The following CCNYL1 variants were observed in gnomAD, a reference collection of about 807,000 sequenced individuals.
CCNYL1 encodes the protein cyclin-Y-like protein 1.
In CCNYL1, 16 loss-of-function variants were observed where a neutral mutation model predicts 44.2. The observed-to-expected ratio is 0.36, with a 90% CI of 0.25 to 0.55. The LOEUF is 0.55. Among genes scored for constraint, CCNYL1 ranks in the 20% least tolerant of loss-of-function variants. The pLI is 0.85. For synonymous variants in CCNYL1, 159 were observed against 163.2 expected (o/e 0.97, Z 0.20); for missense variants, 348 against 451.8 (o/e 0.77, Z 2.08).
At chr2:207,727,211 A>G (rs1412480244) in intron 3 of CCNYL1, among the ~76,000 whole-genome samples, 1 of 152,214 alleles carries the variant, frequency 6.6e-6, no homozygotes, top group Non-Finnish European at 1.5e-5. Context: ...TTAGCACTAT[A>G]TGTTGACTTC....
At chr2:207,730,985 A>G (rs974604688) in intron 3 of CCNYL1, among the ~76,000 whole-genome samples, 1 of 152,146 alleles carries the variant, frequency 6.6e-6, no homozygotes, top group African/African-American at 2.4e-5. Context: ...TTTAAATTCA[A>G]CATAATGATA....
chr2:207,752,453 G>C (rs1443696970), intron 9 of CCNYL1, among the ~76,000 whole-genome samples: 1 of 151,858 alleles, frequency 6.6e-6, no homozygotes, highest in Non-Finnish European at 1.5e-5. Context: ...AGAATTGCTT[G>C]AACCCGGGAG....
At chr2:207,731,268 T>C (rs1201286117) in intron 3 of CCNYL1, among the ~76,000 whole-genome samples, 4 of 152,104 alleles carry the variant, frequency 2.6e-5, no homozygotes, top group African/African-American at 7.2e-5. Context: ...GAAAAGTCAG[T>C]GGATAGGCAT....
intron 3 of CCNYL1, among the ~76,000 whole-genome samples, chr2:207,728,245 A>G (rs1195365649): frequency 2.7e-5 from 4 of 149,630 alleles, no homozygotes; most frequent in Non-Finnish European, 4.4e-5. Flanking sequence ...TACAGGCATG[A>G]GCCACTGCAC....
intron 3 of CCNYL1, among the ~76,000 whole-genome samples, chr2:207,727,245 G>A (rs2091686797): frequency 6.6e-6 from 1 of 151,904 alleles, no homozygotes; most frequent in Non-Finnish European, 1.5e-5. Context: ...TGAAAACTTA[G>A]CTTCCTCACT....
intron 3 of CCNYL1, among the ~76,000 whole-genome samples, chr2:207,729,145 C>G (rs1255353515): frequency 2.6e-5 from 4 of 151,882 alleles, no homozygotes; most frequent in Non-Finnish European, 5.9e-5. Flanking sequence ...ACTATGTCTT[C>G]TAGAGAATTT....
At chr2:207,749,150 A>C (rs2091875118) in intron 8 of CCNYL1, among the ~76,000 whole-genome samples, 1 of 152,054 alleles carries the variant, frequency 6.6e-6, no homozygotes, top group African/African-American at 2.4e-5. Flanking sequence ...CAGCTCCAAG[A>C]AGACCAGTTC....
At chr2:207,720,374 G>A (rs2091631466) in intron 1 of CCNYL1, among the ~76,000 whole-genome samples, 1 of 151,624 alleles carries the variant, frequency 6.6e-6, no homozygotes, top group Non-Finnish European at 1.5e-5. Context: ...AAATGAAATG[G>A]AGGTACTTGT....
chr2:207,737,556 A>G (rs2091775095), intron 5 of CCNYL1, 110 bp downstream of exon 5: 2 of 790,944 alleles, frequency 2.5e-6, no homozygotes, highest in African/African-American at 3.6e-5. Context: ...TTGCTATTAC[A>G]GTATTGAACT....
At chr2:207,712,390 T>C (rs1282416603) in intron 1 of CCNYL1, among the ~76,000 whole-genome samples, 1 of 152,224 alleles carries the variant, frequency 6.6e-6, no homozygotes, top group Non-Finnish European at 1.5e-5. Context: ...CCGCCCTTCT[T>C]GTTTGTAGCT....
intron 5 of CCNYL1, among the ~76,000 whole-genome samples, chr2:207,739,303 G>A (rs946424219): frequency 3.3e-5 from 5 of 152,110 alleles, no homozygotes; most frequent in Admixed American, 6.5e-5. Context: ...TGCCATCTTC[G>A]CTCACTGTAA....
rs142207754 is a variant in CCNYL1, at chr2:207,745,810, G to A, written c.640-1237G>A. On this transcript the variant is annotated intron_variant, in intron 7 of 9. Coordinates refer to ENST00000295414, the MANE Select transcript of CCNYL1 (RefSeq NM_001330218.2). ...CTAAAAATACAAAAATTAGCCAGGCGTGCTGGCGGGTGCTCAGCTACTTGG... is the reference window on the plus strand; with the variant it reads ...CTAAAAATACAAAAATTAGCCAGGCATGCTGGCGGGTGCTCAGCTACTTGG... Among the ~76,000 whole-genome samples, 859 of 152,226 alleles carry A rather than the reference G, an allele frequency of 5.6e-3. 12 individuals carry two copies. Among genetic ancestry groups the A allele is most frequent in the African/African-American group, 0.02 (817 of 41,514 alleles).
At chr2:207,738,718 CT>C (rs35827443) in intron 5 of CCNYL1, among the ~76,000 whole-genome samples, 149,453 of 150,638 alleles carry the variant, frequency 0.99, 74,143 homozygotes, top group East Asian at 1. Context: ...TCTCTTCTTT[CT>C]TTTTTTTTTC....
chr2:207,752,465 C>T lies in CCNYL1; in HGVS notation c.970-1123C>T, dbSNP rs148466196. 7.5e-3 allele frequency among the ~76,000 whole-genome samples: 1,131 copies of T among 151,424 alleles called. 14 individuals are homozygous for T. Among genetic ancestry groups the T allele is most frequent in the Non-Finnish European group, 0.011 (774 of 67,912 alleles). ...ATGAGAATTGCTTGAACCCGGGAGGCGGAGGCTGCAGTGAGCCGAGATCAT... is the reference window on the plus strand; with the variant it reads ...ATGAGAATTGCTTGAACCCGGGAGGTGGAGGCTGCAGTGAGCCGAGATCAT... On this transcript the variant is annotated intron_variant, in intron 9 of 9. Transcript: ENST00000295414.
At chr2:207,742,195 A>G in intron 6 of CCNYL1, 28 bp from the exon 7 acceptor site, 3 of 1,582,112 alleles carry the variant, frequency 1.9e-6, no homozygotes, top group East Asian at 2.2e-5. Flanking sequence ...TTCAGTGGAT[A>G]CTAACATTGC....
chr2:207,746,274 T>C lies in CCNYL1; in HGVS notation c.640-773T>C, dbSNP rs370950339. ...CTTGACCAGCAGTTCTTCAAGCTAGTGCCACAAAAGGGTTAGTTACTGTGA... is the reference window on the plus strand; with the variant it reads ...CTTGACCAGCAGTTCTTCAAGCTAGCGCCACAAAAGGGTTAGTTACTGTGA... On this transcript the variant is annotated intron_variant, in intron 7 of 9. Transcript: ENST00000295414. 1.1e-4 allele frequency among the ~76,000 whole-genome samples: 17 copies of C among 152,318 alleles called. No individual in the cohort carries two copies. The East Asian group carries it at 2.7e-3, about 24-fold the overall frequency.
In CCNYL1 at chr2:207,747,052, C is replaced by T. The variant is rs771312971; in HGVS notation, c.645C>T (p.Tyr215=). The T allele has an allele frequency of 6.2e-7, 1 of 1,610,290 alleles. No individual in the cohort carries two copies. The highest frequency in any genetic ancestry group is 1.7e-5 in the Admixed American group (1 of 59,878). Residue 215 remains tyrosine (Y), a synonymous_variant, in exon 8 of 10, where the codon TAC becomes TAT. Transcript: ENST00000295414. ...TAECAIVTLV[Y]LERLLTYAEI... ...ACCAGTGCTCTATTTTACAGGTTTACTTAGAAAGGCTTTTAACTTATGCTG... is the reference window on the plus strand; with the variant it reads ...ACCAGTGCTCTATTTTACAGGTTTATTTAGAAAGGCTTTTAACTTATGCTG...
intron 3 of CCNYL1, among the ~76,000 whole-genome samples, chr2:207,732,164 C>T (rs974062769): frequency 6.6e-6 from 1 of 152,098 alleles, no homozygotes; most frequent in African/African-American, 2.4e-5. Context: ...ATTTTTTATA[C>T]TGTATGTGTT....
rs61530643 is a variant in CCNYL1, at chr2:207,744,228, T to TTGTGTGTGTGTGTG, written c.639+1894_639+1907dup. On this transcript the variant is annotated intron_variant, in intron 7 of 9. Transcript: ENST00000295414. Reference sequence around the variant, plus strand: ...AGTGCCAAGACTAGACAGGAACATTTTGTGTGTGTGTGTGTGTGTGTTCAA... The same window carrying TTGTGTGTGTGTGTG: ...AGTGCCAAGACTAGACAGGAACATTTTGTGTGTGTGTGTGTGTGTGTGTGTGTGTGTGTGTTCAA... Among the ~76,000 whole-genome samples the TTGTGTGTGTGTGTG allele has an allele frequency of 6.3e-4, 94 of 150,334 alleles. 1 individual carries two copies. Among genetic ancestry groups the TTGTGTGTGTGTGTG allele is most frequent in the African/African-American group, 2.2e-3 (88 of 40,912 alleles).
Sources: allele counts gnomAD v4.1 joint callset (sites outside exome capture counted in the v4.1 genomes callset), GRCh38; gene constraint gnomAD v4.1.1; transcripts MANE v1.5; gene names NCBI Gene and HGNC (gene_info 2026-07-23, HGNC 2026-07-21).